The following PRKG1 variants were observed in gnomAD, a reference collection of about 807,000 sequenced individuals.
PRKG1 encodes protein kinase cGMP-dependent 1.
In PRKG1, 35 loss-of-function variants were observed where a neutral mutation model predicts 88.1. The ratio of observed to expected loss-of-function variants is 0.40; its 90% CI spans 0.30 to 0.53. The LOEUF (loss-of-function observed/expected upper bound fraction) is 0.53. Ranked by LOEUF, PRKG1 falls within the 20% of genes least tolerant of loss-of-function variation. PRKG1 has a pLI of 0.59. For missense variants in PRKG1, 540 were observed against 839.8 expected, an observed-to-expected ratio of 0.64 and a Z score of 4.41; for synonymous variants, 303 against 292.5, an observed-to-expected ratio of 1.04 and a Z score of -0.37.
intron 1 of PRKG1, among the ~76,000 whole-genome samples, chr10:51,126,517 T>C (rs1663842887): frequency 6.9e-6 from 1 of 145,908 alleles, no homozygotes; most frequent in South Asian, 2.1e-4. Context: ...TTTATAAATA[T>C]ATGAATCATA....
intron 10 of PRKG1, among the ~76,000 whole-genome samples, chr10:52,260,688 G>C (rs541110922): frequency 3.5e-4 from 52 of 150,362 alleles, no homozygotes; most frequent in African/African-American, 1.2e-3. Flanking sequence ...TAAAGTATTG[G>C]GTAGAGGATG....
At chr10:51,654,784 T>A (rs1021290790) in intron 3 of PRKG1, among the ~76,000 whole-genome samples, 1 of 152,180 alleles carries the variant, frequency 6.6e-6, no homozygotes, top group African/African-American at 2.4e-5. Flanking sequence ...ATTTTTTGAT[T>A]AATGTTTAAA....
At chr10:51,452,799 G>T (rs1839474223) in intron 2 of PRKG1, among the ~76,000 whole-genome samples, 1 of 151,834 alleles carries the variant, frequency 6.6e-6, no homozygotes, top group African/African-American at 2.4e-5. Context: ...GGTGATATTG[G>T]CTTCATAGAA....
At chr10:51,085,496 G>A (rs963269895) in intron 1 of PRKG1, among the ~76,000 whole-genome samples, 1 of 152,096 alleles carries the variant, frequency 6.6e-6, no homozygotes, top group Non-Finnish European at 1.5e-5. Flanking sequence ...AGAACTTCAT[G>A]TGAATCATAG....
At chr10:52,274,862 G>T (rs1841832057) in intron 12 of PRKG1, among the ~76,000 whole-genome samples, 2 of 151,818 alleles carry the variant, frequency 1.3e-5, no homozygotes, top group African/African-American at 4.8e-5. Context: ...TTGATTTTTT[G>T]ATTATGGCCA....
chr10:52,008,085 C>T (rs1844784973), intron 5 of PRKG1, among the ~76,000 whole-genome samples: 1 of 152,002 alleles, frequency 6.6e-6, no homozygotes, highest in African/African-American at 2.4e-5. Flanking sequence ...CTAATAAGAA[C>T]AAAGATACAA....
chr10:52,047,377 C>T (rs1350140821), intron 5 of PRKG1, among the ~76,000 whole-genome samples: 1 of 152,086 alleles, frequency 6.6e-6, no homozygotes, highest in African/African-American at 2.4e-5. Context: ...TATTGCTGCA[C>T]TACTTCTGTG....
chr10:51,300,260 C>G (rs996563261), intron 2 of PRKG1, among the ~76,000 whole-genome samples: 2 of 152,170 alleles, frequency 1.3e-5, no homozygotes, highest in Non-Finnish European at 2.9e-5. Flanking sequence ...AGCAGCTGCT[C>G]TCCATGCAGC....
chr10:51,524,563 G>A (rs1027487297), intron 3 of PRKG1, among the ~76,000 whole-genome samples: 2 of 152,096 alleles, frequency 1.3e-5, no homozygotes, highest in Admixed American at 6.5e-5. Context: ...TCTAATACAT[G>A]TACAATTTAT....
At chr10:51,806,176 A>C (rs1589303058) in intron 4 of PRKG1, among the ~76,000 whole-genome samples, 1 of 152,340 alleles carries the variant, frequency 6.6e-6, no homozygotes, top group East Asian at 1.9e-4. Context: ...AAAGATTACA[A>C]CTGGTAATCA....
At chr10:51,631,673 T>A (rs1292409015) in intron 3 of PRKG1, among the ~76,000 whole-genome samples, 1 of 152,224 alleles carries the variant, frequency 6.6e-6, no homozygotes, top group African/African-American at 2.4e-5. Context: ...CATTAGATTC[T>A]CATAAGGAGC....
rs534949716 is a variant in PRKG1 at position 51,028,124 on chromosome 10, T to A, written c.266+36480T>A. Among the ~76,000 whole-genome samples the A allele has an allele frequency of 2.6e-5, 4 of 152,258 alleles. 1 individual carries two copies. In the South Asian group the frequency reaches 8.3e-4, roughly 32 times the overall value. On this transcript the variant is annotated intron_variant, in intron 1 of 17. Coordinates refer to the PRKG1 transcript ENST00000401604. ...CCACTAAGAGGAAACTGATGAATAT[T>A]TGAGAAAGACAAATAACTCTGGTGC...
chr10:52,227,628 T>G (rs1840420869), intron 9 of PRKG1, among the ~76,000 whole-genome samples: 1 of 152,052 alleles, frequency 6.6e-6, no homozygotes, highest in South Asian at 2.1e-4. Context: ...CTGGAACTAG[T>G]CCCCCATGAT....
chr10:51,897,718 A>C (rs1323963278), intron 4 of PRKG1, among the ~76,000 whole-genome samples: 1 of 152,078 alleles, frequency 6.6e-6, no homozygotes, highest in African/African-American at 2.4e-5. Context: ...TGCTTTCAAA[A>C]TATAACAGAG....
intron 3 of PRKG1, among the ~76,000 whole-genome samples, chr10:51,681,058 A>G (rs901986945): frequency 9.2e-5 from 14 of 152,232 alleles, no homozygotes; most frequent in Admixed American, 3.3e-4. Flanking sequence ...CAGTGATGAC[A>G]TTAGTTAGTT....
At chr10:51,757,680 T>C (rs1358024483) in intron 3 of PRKG1, among the ~76,000 whole-genome samples, 1 of 152,220 alleles carries the variant, frequency 6.6e-6, no homozygotes, top group Non-Finnish European at 1.5e-5. Context: ...AAATGCATAC[T>C]GGATTTCAAA....
rs547457548 is a variant in PRKG1, at chr10:52,092,929, C to T, written c.935+30298C>T. 2.0e-4 allele frequency among the ~76,000 whole-genome samples: 31 copies of T among 152,198 alleles called. No homozygotes were observed. The South Asian group carries it at 4.6e-3, about 22-fold the overall frequency. ...TTTTCTTGTTAATTGTAGGGTGAAACGGCCTTAGACAAAATTCTTAGAGGC... is the reference window on the plus strand; with the variant it reads ...TTTTCTTGTTAATTGTAGGGTGAAATGGCCTTAGACAAAATTCTTAGAGGC... On this transcript the variant is annotated intron_variant, in intron 7 of 17. Coordinates refer to ENST00000373980, the MANE Select transcript of PRKG1 (RefSeq NM_006258.4).
chr10:51,456,681 A>C (rs1026862000), intron 2 of PRKG1, among the ~76,000 whole-genome samples: 14 of 152,122 alleles, frequency 9.2e-5, no homozygotes, highest in Admixed American at 8.5e-4. Flanking sequence ...AAATATTCAC[A>C]ACCTATGCTT....
chr10:51,263,013 T>G (rs1435628071), intron 2 of PRKG1, among the ~76,000 whole-genome samples: 1 of 152,186 alleles, frequency 6.6e-6, no homozygotes, highest in African/African-American at 2.4e-5. Context: ...TCAAGGATTC[T>G]TTCTTCTTCC....
Sources: gnomAD v4.1 joint callset for allele counts (sites outside exome capture counted in the v4.1 genomes callset) on GRCh38, gnomAD v4.1.1 for gene constraint, MANE v1.5 for transcripts, NCBI Gene and HGNC (gene_info 2026-07-23, HGNC 2026-07-21) for gene names.